The following ANK2 variants were observed in gnomAD, a reference collection of about 807,000 sequenced individuals.
ANK2 encodes ankyrin 2.
Under a neutral mutation model 360.5 loss-of-function variants are expected in ANK2, and 83 were observed. That is an observed-to-expected ratio of 0.23 (90% CI 0.19 to 0.28). ANK2 has a LOEUF of 0.28. ANK2 is among the 10% of genes least tolerant of loss of function. The pLI is 1.00. For synonymous variants in ANK2, 1,740 were observed against 1,759.5 expected, an observed-to-expected ratio of 0.99 and a Z score of 0.28; for missense variants, 4,201 against 4,795.7, an observed-to-expected ratio of 0.88 and a Z score of 3.66.
At chr4:112,713,248 G>C in the ANK2 span, among the ~76,000 whole-genome samples, 1 of 151,946 alleles carries the variant, frequency 6.6e-6, no homozygotes, top group Non-Finnish European at 1.5e-5. Context: ...ACCACTGCCC[G>C]GCCATTCACC....
intron 14 of ANK2, among the ~76,000 whole-genome samples, chr4:113,265,527 G>A (rs29411): frequency 6.6e-6 from 1 of 151,996 alleles, no homozygotes; most frequent in East Asian, 1.9e-4. Flanking sequence ...TAGACATTCT[G>A]TATTTCCACA....
At chr4:113,032,559 A>G (rs529076246) in intron 2 of ANK2, among the ~76,000 whole-genome samples, 25 of 152,120 alleles carry the variant, frequency 1.6e-4, no homozygotes, top group African/African-American at 5.8e-4. Context: ...CTCAGGAATG[A>G]TTATATGGTC....
intron 1 of ANK2, among the ~76,000 whole-genome samples, chr4:113,080,879 G>T (rs1232026912): frequency 6.6e-6 from 1 of 152,148 alleles, no homozygotes; most frequent in Non-Finnish European, 1.5e-5. Flanking sequence ...GCAGAATGGA[G>T]AGGAAGAGGA....
the ANK2 span, among the ~76,000 whole-genome samples, chr4:112,767,669 G>T: frequency 6.6e-6 from 1 of 152,134 alleles, no homozygotes; most frequent in African/African-American, 2.4e-5. Flanking sequence ...TGGGCAGCAG[G>T]AAATAATATT....
intron 2 of ANK2, among the ~76,000 whole-genome samples, chr4:113,177,602 G>T (rs62313179): frequency 0.04 from 6,109 of 152,178 alleles, 202 homozygotes; most frequent in East Asian, 0.19. Flanking sequence ...TGTATGAAAG[G>T]TCTTAGGGTT....
intron 2 of ANK2, among the ~76,000 whole-genome samples, chr4:112,951,604 T>G (rs944053668): frequency 2.2e-4 from 34 of 152,162 alleles, no homozygotes; most frequent in African/African-American, 7.7e-4. Context: ...TTCGAGATTA[T>G]GGTTTATTTT....
intron 1 of ANK2, among the ~76,000 whole-genome samples, chr4:113,064,097 T>C (rs886267260): frequency 2.0e-5 from 3 of 152,164 alleles, no homozygotes; most frequent in Middle Eastern, 3.2e-3. Flanking sequence ...GAAGTCATTT[T>C]TGGAAATTTT....
chr4:112,996,807 G>A lies in ANK2; in HGVS notation c.21+92293G>A, dbSNP rs370818101. Among the ~76,000 whole-genome samples the A allele has an allele frequency of 6.9e-4, 105 of 152,118 alleles. 5 individuals are homozygous for A. The South Asian group carries it at 0.021, about 30-fold the overall frequency. On this transcript the variant is annotated intron_variant, in intron 2 of 30. Coordinates refer to the ANK2 transcript ENST00000503271. The stretch of plus-strand genomic sequence containing the variant: ...TTATTGACTATAGTTACCCTGTTGT[G>A]CCACCAAATAATAGGTTTTATTCAT...
intron 2 of ANK2, among the ~76,000 whole-genome samples, chr4:113,036,659 G>A (rs2061675201): frequency 6.6e-6 from 1 of 151,772 alleles, no homozygotes; most frequent in South Asian, 2.1e-4. Context: ...CACACTTTGA[G>A]CCACAACTGC....
the ANK2 span, among the ~76,000 whole-genome samples, chr4:112,735,532 T>G: frequency 3.3e-5 from 5 of 152,244 alleles, no homozygotes; most frequent in South Asian, 1.0e-3. Context: ...TTCATCATCT[T>G]CAAGGACTGC....
intron 7 of ANK2, among the ~76,000 whole-genome samples, chr4:113,239,164 G>T (rs1325478955): frequency 6.6e-6 from 1 of 152,100 alleles, no homozygotes; most frequent in African/African-American, 2.4e-5. Flanking sequence ...TTGGCATTAT[G>T]TAAATGCAAA....
rs2153983761 is a variant in ANK2 at position 113,343,143 on chromosome 4, G to A, written c.4248+1G>A. 1 of 1,607,656 alleles carries A rather than the reference G, an allele frequency of 6.2e-7. No individual in the cohort carries two copies. Among genetic ancestry groups the A allele is most frequent in the Non-Finnish European group, 8.5e-7 (1 of 1,175,866 alleles). ...AAATAGACTTCCTCTATTTGTCAAG[G>A]TAATATATACATGGAATTTTGTGAT... is the stretch of plus-strand genomic sequence containing the variant. On this transcript the variant is annotated splice_donor_variant, in intron 34 of 45. Coordinates refer to ENST00000357077, the MANE Select transcript of ANK2 (RefSeq NM_001148.6). LOFTEE classifies it high-confidence loss of function.
At chr4:113,048,584 A>G (rs1287283539), upstream of ANK2, among the ~76,000 whole-genome samples, 1 of 151,478 alleles carries the variant, frequency 6.6e-6, no homozygotes, top group Non-Finnish European at 1.5e-5. Flanking sequence ...ACAAGTTAAT[A>G]TTTTTAAATA....
intron 1 of ANK2, among the ~76,000 whole-genome samples, chr4:112,852,205 A>G (rs2065174125): frequency 6.6e-6 from 1 of 152,220 alleles, no homozygotes; most frequent in Non-Finnish European, 1.5e-5. Flanking sequence ...ATGGTTTTGG[A>G]ACACACCATG....
chr4:113,201,048 A>C (rs2098823195), intron 4 of ANK2, among the ~76,000 whole-genome samples: 1 of 152,024 alleles, frequency 6.6e-6, no homozygotes, highest in African/African-American at 2.4e-5. Context: ...ATAATAAACA[A>C]AAGAGTGAAG....
At chr4:112,910,187 C>T (rs984829618) in intron 2 of ANK2, among the ~76,000 whole-genome samples, 1 of 152,188 alleles carries the variant, frequency 6.6e-6, no homozygotes, top group Non-Finnish European at 1.5e-5. Flanking sequence ...AAATACGGAT[C>T]TCACAGAAAA....
At chr4:112,971,372 T>A (rs1056728163) in intron 2 of ANK2, among the ~76,000 whole-genome samples, 2 of 152,328 alleles carry the variant, frequency 1.3e-5, no homozygotes, top group Admixed American at 1.3e-4. Flanking sequence ...AAGTAAAAGT[T>A]AAGCCCAGCA....
chr4:113,160,460 A>C (rs1306501626), intron 1 of ANK2: 1 of 258,932 alleles, frequency 3.9e-6, no homozygotes, highest in Non-Finnish European at 7.8e-6. Context: ...TCAAGGTTTG[A>C]AACCAAGTGT....
the ANK2 span, among the ~76,000 whole-genome samples, chr4:112,756,596 G>A: frequency 6.6e-6 from 1 of 152,192 alleles, no homozygotes; most frequent in Admixed American, 6.5e-5. Context: ...TACATAGGGA[G>A]TTATCTGTGA....
Sources: gnomAD v4.1 joint callset for allele counts (sites outside exome capture counted in the v4.1 genomes callset) on GRCh38, gnomAD v4.1.1 for gene constraint, MANE v1.5 for transcripts, NCBI Gene and HGNC (gene_info 2026-07-23, HGNC 2026-07-21) for gene names.